Variants in KPNA7 observed in about 807,000 individuals in gnomAD.
KPNA7 encodes importin subunit alpha-8.
A neutral mutation model predicts 53.7 loss-of-function variants in KPNA7; 54 were observed. The ratio of observed to expected loss-of-function variants is 1.01; its 90% confidence interval spans 0.81 to 1.26. KPNA7 has a LOEUF of 1.26. Among genes scored for constraint, KPNA7 ranks in the 50% most tolerant of loss-of-function variants. The pLI is 0.00. For missense variants in KPNA7, 640 were observed against 644.5 expected (o/e 0.99, Z 0.07); for synonymous variants, 276 against 259.3 (o/e 1.06, Z -0.62).
Position 99,197,727 on chromosome 7 carries a change from C to T in KPNA7, c.202-1561G>A, listed in dbSNP as rs73709606. Among the ~76,000 whole-genome samples, 617 of 152,206 alleles carry T rather than the reference C, an allele frequency of 4.1e-3. 2 individuals carry two copies. The highest frequency in any genetic ancestry group is 0.014 in the African/African-American group (569 of 41,546). On this transcript the variant is annotated intron_variant, in intron 3 of 10. Transcript: ENST00000327442. ...GGGCTTAACAGCAGATTTAAGCAGA[C>T]ATAATAAAGCAGCAGTGAAGCTGAA...
chr7:99,214,585 G>A (rs564766127), intron 1 of KPNA7, among the ~76,000 whole-genome samples: 1 of 134,378 alleles, frequency 7.4e-6, no homozygotes, highest in Non-Finnish European at 1.6e-5. Context: ...CAGAGATCAC[G>A]CCACTGCAAT....
chr7:99,160,179 CA>C, the KPNA7 span, among the ~76,000 whole-genome samples: 1 of 151,182 alleles, frequency 6.6e-6, no homozygotes, highest in Non-Finnish European at 1.5e-5. Flanking sequence ...TGCCCGCCAC[CA>C]TGCTAGGCTA....
At chr7:99,206,923 C>A (rs1790846472) in intron 2 of KPNA7, among the ~76,000 whole-genome samples, 2 of 152,276 alleles carry the variant, frequency 1.3e-5, no homozygotes, top group African/African-American at 4.8e-5. Context: ...ATGAAAATAG[C>A]AAACATACAG....
At chr7:99,210,410 G>T (rs1791035298), upstream of KPNA7, among the ~76,000 whole-genome samples, 1 of 152,110 alleles carries the variant, frequency 6.6e-6, no homozygotes, top group Non-Finnish European at 1.5e-5. Context: ...TAACAGTACT[G>T]TGTCTTAGGC....
At chr7:99,169,762 C>T (rs1798737473), downstream of KPNA7, among the ~76,000 whole-genome samples, 1 of 146,214 alleles carries the variant, frequency 6.8e-6, no homozygotes, top group Non-Finnish European at 1.5e-5. Flanking sequence ...AGCTCTGGGC[C>T]AGGCGCAGTG....
At chr7:99,160,050 T>C in the KPNA7 span, among the ~76,000 whole-genome samples, 2,614 of 119,980 alleles carry the variant, frequency 0.022, 95 homozygotes, top group African/African-American at 0.079. Context: ...TTTGAGACAG[T>C]GTCTCGCTCT....
chr7:99,211,456 A>G (rs927071785), upstream of KPNA7, among the ~76,000 whole-genome samples: 5 of 152,168 alleles, frequency 3.3e-5, no homozygotes, highest in African/African-American at 1.2e-4. Context: ...CTGATGTTGT[A>G]AGAAGAGAGA....
At chr7:99,164,201 C>T in the KPNA7 span, among the ~76,000 whole-genome samples, 10 of 151,208 alleles carry the variant, frequency 6.6e-5, no homozygotes, top group East Asian at 9.7e-4. Context: ...ATGTTTATTG[C>T]GGCACTATTC....
In KPNA7 at chr7:99,219,026, G is replaced by A. The variant is rs561237976; in HGVS notation, c.-23-11537C>T. On this transcript the variant is annotated intron_variant, in intron 1 of 10. Transcript: ENST00000681060. ...GCCCTCAGCTGATGGCAGGTGTTTCGCAGCCCTTGGCCCCACCTCACAGGG... is the reference window on the plus strand; with the variant it reads ...GCCCTCAGCTGATGGCAGGTGTTTCACAGCCCTTGGCCCCACCTCACAGGG... 2.9e-4 allele frequency among the ~76,000 whole-genome samples: 44 copies of A among 152,338 alleles called. No homozygotes were observed. In the South Asian group the frequency reaches 2.9e-3, roughly 10 times the overall value.
chr7:99,162,189 C>A, the KPNA7 span, among the ~76,000 whole-genome samples: 1 of 151,966 alleles, frequency 6.6e-6, no homozygotes, highest in Admixed American at 6.6e-5. Flanking sequence ...GGATTACAGG[C>A]ATGTGCCACC....
At chr7:99,146,711 T>TAAAAA in the KPNA7 span, among the ~76,000 whole-genome samples, 2 of 70,402 alleles carry the variant, frequency 2.8e-5, no homozygotes, top group African/African-American at 1.2e-4. Flanking sequence ...GACTGTGTCT[T>TAAAAA]AAAAAAAAAA....
At chr7:99,207,379 C>G in intron 2 of KPNA7, 22 bp downstream of exon 2, 1 of 1,549,230 alleles carries the variant, frequency 6.5e-7, no homozygotes. Flanking sequence ...CCAATAGAAG[C>G]AGGTGGGTGC....
intron 7 of KPNA7, among the ~76,000 whole-genome samples, chr7:99,187,844 G>A (rs1789697724): frequency 7.7e-6 from 1 of 129,056 alleles, no homozygotes; most frequent in Admixed American, 9.0e-5. Context: ...AACCCACTAG[G>A]ATTTGACATC....
chr7:99,205,564 G>T (rs1014425290), intron 2 of KPNA7, among the ~76,000 whole-genome samples: 1 of 151,660 alleles, frequency 6.6e-6, no homozygotes, highest in Non-Finnish European at 1.5e-5. Context: ...ATACAGAGAT[G>T]GGGGGCTGGG....
At chr7:99,211,835 C>G (rs1237676519), upstream of KPNA7, among the ~76,000 whole-genome samples, 1 of 152,196 alleles carries the variant, frequency 6.6e-6, no homozygotes, top group African/African-American at 2.4e-5. Flanking sequence ...GTCTGCAAAT[C>G]TGATCCTGGG....
chr7:99,162,329 C>A, the KPNA7 span, among the ~76,000 whole-genome samples: 1 of 152,204 alleles, frequency 6.6e-6, no homozygotes, highest in Non-Finnish European at 1.5e-5. Flanking sequence ...CAGGCATGAG[C>A]CACCATGCCC....
At chr7:99,154,870 G>C in the KPNA7 span, among the ~76,000 whole-genome samples, 1 of 152,032 alleles carries the variant, frequency 6.6e-6, no homozygotes, top group Non-Finnish European at 1.5e-5. Context: ...TGTATTTGAG[G>C]TTTTCCTAAA....
upstream of KPNA7, among the ~76,000 whole-genome samples, chr7:99,208,894 A>G (rs1790956039): frequency 6.6e-6 from 1 of 152,156 alleles, no homozygotes; most frequent in Admixed American, 6.6e-5. Context: ...GCTCACACCT[A>G]TAATCCCAGC....
chr7:99,148,017 T>C, the KPNA7 span, among the ~76,000 whole-genome samples: 1 of 142,476 alleles, frequency 7.0e-6, no homozygotes, highest in Non-Finnish European at 1.5e-5. Context: ...ACCCCATGTC[T>C]TTAAAAAAAA....
Sources: gnomAD v4.1 joint callset for allele counts (sites outside exome capture counted in the v4.1 genomes callset) on GRCh38, gnomAD v4.1.1 for gene constraint, MANE v1.5 for transcripts, NCBI Gene and HGNC (gene_info 2026-07-23, HGNC 2026-07-21) for gene names.